The following MYO1B variants were observed in gnomAD, a reference collection of about 807,000 sequenced individuals.
MYO1B encodes unconventional myosin-Ib.
In MYO1B, 72 loss-of-function variants were observed where a neutral mutation model predicts 159.7. That is an observed-to-expected ratio of 0.45 (90% CI 0.37 to 0.55). The LOEUF is 0.55. Among genes scored for constraint, MYO1B ranks in the 20% least tolerant of loss-of-function variants. MYO1B has a pLI of 0.00. For synonymous variants in MYO1B, 468 were observed against 473.8 expected, an observed-to-expected ratio of 0.99 and a Z score of 0.16; for missense variants, 1,062 against 1,364.8, an observed-to-expected ratio of 0.78 and a Z score of 3.50.
chr2:191,316,913 T>C (rs550505841), intron 3 of MYO1B, among the ~76,000 whole-genome samples: 2 of 152,342 alleles, frequency 1.3e-5, no homozygotes, highest in East Asian at 3.9e-4. Context: ...GTGGAGTCTT[T>C]GAAGATGTAT....
At chr2:191,343,286 G>GT (rs1468723614) in intron 5 of MYO1B, among the ~76,000 whole-genome samples, 3 of 152,302 alleles carry the variant, frequency 2.0e-5, no homozygotes, top group African/African-American at 7.2e-5. Context: ...CTTTGGGGTA[G>GT]TTTTTTCCCA....
At chr2:191,384,886 T>C (rs1695310343) in intron 15 of MYO1B, among the ~76,000 whole-genome samples, 1 of 152,242 alleles carries the variant, frequency 6.6e-6, no homozygotes, top group African/African-American at 2.4e-5. Context: ...CCTTCCAGCA[T>C]CATTAAACAA....
rs1315008820 is a variant in MYO1B at position 191,245,526 on chromosome 2, G to A, written c.-110G>A. ...AGCCTTGGCAGAACAGCCGCGGCGG[G>A]AGCCCCGCAGCCCCGGGCTGGGCCC... On this transcript the variant is annotated 5_prime_UTR_variant, in exon 1 of 31. Transcript: ENST00000392318. 1 of 152,114 alleles carries A rather than the reference G, an allele frequency of 6.6e-6. No individual in the cohort carries two copies. The highest frequency in any genetic ancestry group is 2.4e-5 in the African/African-American group (1 of 41,434). 9.4% of individuals were successfully genotyped at this position (152,114 alleles called of 1,614,324 possible). A position where few individuals can be genotyped will look rare whatever the true frequency, so the allele number is the denominator to read the frequency against.
chr2:191,412,508 T>C (rs971553665), intron 27 of MYO1B, among the ~76,000 whole-genome samples: 1 of 152,168 alleles, frequency 6.6e-6, no homozygotes, highest in Non-Finnish European at 1.5e-5. Flanking sequence ...CCCACAGCAG[T>C]GAGAGAGGTG....
At chr2:191,266,163 G>C (rs1026909155) in intron 1 of MYO1B, among the ~76,000 whole-genome samples, 1 of 152,176 alleles carries the variant, frequency 6.6e-6, no homozygotes, top group Non-Finnish European at 1.5e-5. Context: ...AAGATCAACT[G>C]CAAATGAGGT....
intron 11 of MYO1B, among the ~76,000 whole-genome samples, chr2:191,364,867 A>G (rs992766041): frequency 1.0e-3 from 155 of 152,330 alleles, no homozygotes; most frequent in African/African-American, 3.5e-3. Flanking sequence ...GTTTAAGAGG[A>G]AGAGAACAAT....
intron 3 of MYO1B, among the ~76,000 whole-genome samples, chr2:191,312,965 T>C (rs986593688): frequency 1.3e-5 from 2 of 152,206 alleles, no homozygotes; most frequent in African/African-American, 4.8e-5. Context: ...AGTCTGAGTG[T>C]GTTTGAGACC....
chr2:191,347,998 T>G (rs1237590879), intron 6 of MYO1B, among the ~76,000 whole-genome samples: 3 of 152,158 alleles, frequency 2.0e-5, no homozygotes, highest in Non-Finnish European at 1.5e-5. Context: ...GAACCAGTAT[T>G]CCCATGGAGA....
chr2:191,365,847 G>T (rs1693975030), intron 11 of MYO1B, among the ~76,000 whole-genome samples: 1 of 152,208 alleles, frequency 6.6e-6, no homozygotes, highest in African/African-American at 2.4e-5. Flanking sequence ...GAGCAATATG[G>T]CTGGAAAGGT....
rs1165213040 is a variant in MYO1B, at chr2:191,397,131, T to TTC, written c.2295+635_2295+636insCT. Among the ~76,000 whole-genome samples, 176 of 111,552 alleles carry TTC rather than the reference T, an allele frequency of 1.6e-3. 1 individual carries two copies. Among genetic ancestry groups the TTC allele is most frequent in the Non-Finnish European group, 2.4e-3 (142 of 60,184 alleles). The allele number at this position is 111,552 out of a possible 152,430, so 73.2% of individuals were successfully genotyped here. The stretch of plus-strand genomic sequence containing the variant: ...AAAAAGCAAAAGAAGATGATTTCTT[T>TTC]TTTTTTTTTTTTTTTTTTTTTTTTT... On this transcript the variant is annotated intron_variant, in intron 21 of 30. Coordinates refer to ENST00000392318, the MANE Select transcript of MYO1B (RefSeq NM_001130158.3).
intron 1 of MYO1B, among the ~76,000 whole-genome samples, chr2:191,265,841 A>T (rs16833555): frequency 9.1e-4 from 138 of 152,104 alleles, no homozygotes; most frequent in African/African-American, 3.2e-3. Flanking sequence ...CTTTTTTCAG[A>T]CGTTAGCTCA....
At chr2:191,411,045 C>G in intron 26 of MYO1B, 21 bp from the exon 27 acceptor site, 13 of 1,369,268 alleles carry the variant, frequency 9.5e-6, no homozygotes, top group African/African-American at 1.5e-5. Flanking sequence ...TGTTTTGTTT[C>G]TTTCTTCTCA....
chr2:191,346,710 G>A (rs1201537918), intron 6 of MYO1B, among the ~76,000 whole-genome samples: 1 of 152,162 alleles, frequency 6.6e-6, no homozygotes, highest in Non-Finnish European at 1.5e-5. Context: ...ATTAATAGAG[G>A]TAAAGTCCAT....
At chr2:191,275,297 T>G (rs1204743278) in intron 1 of MYO1B, among the ~76,000 whole-genome samples, 3 of 152,220 alleles carry the variant, frequency 2.0e-5, no homozygotes, top group African/African-American at 4.8e-5. Flanking sequence ...CTTTTTAGTG[T>G]TAAATACTTC....
intron 8 of MYO1B, among the ~76,000 whole-genome samples, chr2:191,361,921 G>A (rs57556907): frequency 6.6e-6 from 1 of 151,894 alleles, no homozygotes; most frequent in African/African-American, 2.4e-5. Context: ...CCAATGGTGA[G>A]GGAATCACCA....
chr2:191,390,630 A>G, intron 18 of MYO1B, 138 bp downstream of exon 18: 1 of 1,000,396 alleles, frequency 1.0e-6, no homozygotes, highest in Non-Finnish European at 1.4e-6. Context: ...TTCTTCCATT[A>G]GGATACCATT....
At chr2:191,402,346 A>C (rs1696667500) in intron 23 of MYO1B, 1 of 410,010 alleles carries the variant, frequency 2.4e-6, no homozygotes, top group African/African-American at 2.1e-5. Context: ...AGAGAGAGAG[A>C]ACAGGAGAAA....
chr2:191,404,424 C>T (rs1049451364), intron 24 of MYO1B, among the ~76,000 whole-genome samples: 2 of 152,170 alleles, frequency 1.3e-5, no homozygotes, highest in African/African-American at 2.4e-5. Flanking sequence ...TATGTAACTT[C>T]ATTTGTCTGC....
Position 191,331,155 on chromosome 2 carries a change from C to G in MYO1B, c.346+1126C>G, listed in dbSNP as rs184249013. 4.3e-4 allele frequency among the ~76,000 whole-genome samples: 66 copies of G among 152,100 alleles called. No homozygotes were observed. In the East Asian group the frequency reaches 0.012, roughly 28 times the overall value. On this transcript the variant is annotated intron_variant, in intron 4 of 30. Transcript: ENST00000392318. ...TGTGTCCAGCCCCCTTTCTTGAGCTCTTTGGAGACACCGAGCACCATTGTT... is the reference window on the plus strand; with the variant it reads ...TGTGTCCAGCCCCCTTTCTTGAGCTGTTTGGAGACACCGAGCACCATTGTT...
Sources: allele counts gnomAD v4.1 joint callset (sites outside exome capture counted in the v4.1 genomes callset), GRCh38; gene constraint gnomAD v4.1.1; transcripts MANE v1.5; gene names NCBI Gene and HGNC (gene_info 2026-07-23, HGNC 2026-07-21).